The following NAV3 variants were observed in gnomAD, a reference collection of about 807,000 sequenced individuals.
NAV3 encodes neuron navigator 3.
NAV3 carries 87 observed loss-of-function variants against 244.7 expected under a neutral mutation model. The ratio of observed to expected loss-of-function variants is 0.36; its 90% CI spans 0.30 to 0.42. NAV3 has a LOEUF of 0.42. Among genes scored for constraint, NAV3 ranks in the 20% least tolerant of loss-of-function variants. The pLI, the probability that NAV3 is intolerant of heterozygous loss-of-function variation, is 1.00. For synonymous variants in NAV3, 1,126 were observed against 1,042.2 expected (o/e 1.08, Z -1.55); for missense variants, 2,663 against 2,893.3 (o/e 0.92, Z 1.83).
intron 12 of NAV3, among the ~76,000 whole-genome samples, chr12:78,087,487 G>A (rs1953698675): frequency 6.6e-6 from 1 of 151,928 alleles, no homozygotes. Flanking sequence ...GCAATCTACA[G>A]CAAGAAATGA....
At chr12:77,642,695 A>G (rs946615481) in intron 2 of NAV3, among the ~76,000 whole-genome samples, 2 of 152,086 alleles carry the variant, frequency 1.3e-5, no homozygotes, top group Non-Finnish European at 2.9e-5. Context: ...AGGACAAGAC[A>G]TAAAATGGCA....
chr12:78,145,513 A>G (rs1407915468), intron 20 of NAV3, among the ~76,000 whole-genome samples: 1 of 152,190 alleles, frequency 6.6e-6, no homozygotes, highest in African/African-American at 2.4e-5. Flanking sequence ...GCAGACTTGT[A>G]CTATTCAACA....
intron 18 of NAV3, among the ~76,000 whole-genome samples, chr12:78,133,014 C>G (rs948537064): frequency 3.9e-5 from 6 of 152,122 alleles, no homozygotes; most frequent in Non-Finnish European, 7.4e-5. Context: ...ACATCTGTCT[C>G]TCATTTTCAG....
At chr12:77,686,873 G>A (rs1874776157) in intron 2 of NAV3, among the ~76,000 whole-genome samples, 1 of 151,696 alleles carries the variant, frequency 6.6e-6, no homozygotes, top group Admixed American at 6.6e-5. Flanking sequence ...ATTAAAATTT[G>A]TATTGTAATA....
chr12:77,787,412 GT>G (rs1378853233), intron 2 of NAV3, among the ~76,000 whole-genome samples: 1 of 152,174 alleles, frequency 6.6e-6, no homozygotes, highest in Non-Finnish European at 1.5e-5. Flanking sequence ...AAGGAAAGAG[GT>G]TTAATTGACT....
intron 2 of NAV3, among the ~76,000 whole-genome samples, chr12:77,631,811 T>C (rs1161267164): frequency 1.3e-5 from 2 of 151,764 alleles, no homozygotes; most frequent in East Asian, 3.9e-4. Flanking sequence ...CACAGAGAGG[T>C]CAAGCAAGAG....
chr12:77,594,523 C>A (rs1394744018), intron 2 of NAV3, among the ~76,000 whole-genome samples: 2 of 152,156 alleles, frequency 1.3e-5, no homozygotes, highest in Non-Finnish European at 2.9e-5. Context: ...GGAATGTTCC[C>A]CAACTGGACT....
At chr12:77,903,917 G>C (rs1885633012) in intron 1 of NAV3, among the ~76,000 whole-genome samples, 1 of 152,172 alleles carries the variant, frequency 6.6e-6, no homozygotes, top group African/African-American at 2.4e-5. Flanking sequence ...CTGGCCATCA[G>C]AGAAATGCAA....
chr12:77,857,180 C>T (rs1273525036), intron 1 of NAV3, among the ~76,000 whole-genome samples: 1 of 152,000 alleles, frequency 6.6e-6, no homozygotes, highest in Non-Finnish European at 1.5e-5. Flanking sequence ...TGAGGGAGTA[C>T]ACTTGAATAT....
chr12:77,849,008 T>C (rs1178539481), intron 1 of NAV3, among the ~76,000 whole-genome samples: 1 of 152,178 alleles, frequency 6.6e-6, no homozygotes, highest in African/African-American at 2.4e-5. Flanking sequence ...TGCATAATAG[T>C]GATGTTTTCT....
At chr12:77,641,884 C>T (rs1244335419) in intron 2 of NAV3, among the ~76,000 whole-genome samples, 2 of 152,102 alleles carry the variant, frequency 1.3e-5, no homozygotes, top group African/African-American at 4.8e-5. Flanking sequence ...GAAAGCAACA[C>T]CCAACCAAGG....
chr12:78,105,959 T>C (rs975701915), intron 12 of NAV3, among the ~76,000 whole-genome samples: 1 of 151,526 alleles, frequency 6.6e-6, no homozygotes, highest in Non-Finnish European at 1.5e-5. Context: ...TTCTATTGTT[T>C]CTTCTGTTTC....
At chr12:78,071,794 C>T (rs1006367586) in intron 12 of NAV3, among the ~76,000 whole-genome samples, 1 of 151,938 alleles carries the variant, frequency 6.6e-6, no homozygotes, top group Non-Finnish European at 1.5e-5. Context: ...AGATATGCGG[C>T]CCTCAGCAAA....
At chr12:77,865,249 A>G (rs925583250) in intron 1 of NAV3, among the ~76,000 whole-genome samples, 4 of 152,094 alleles carry the variant, frequency 2.6e-5, no homozygotes, top group African/African-American at 9.6e-5. Flanking sequence ...GTATATTATT[A>G]TACTTTTATT....
chr12:78,137,459 G>T, intron 19 of NAV3, 94 bp downstream of exon 19: 2 of 1,282,466 alleles, frequency 1.6e-6, no homozygotes, highest in South Asian at 1.6e-5. Flanking sequence ...TTCCTGAAGA[G>T]GAAAATAAAC....
intron 12 of NAV3, 101 bp from the exon 13 acceptor site, chr12:78,116,671 G>T (rs1955394704): frequency 1.6e-6 from 2 of 1,223,600 alleles, no homozygotes; most frequent in Non-Finnish European, 2.2e-6. Context: ...TTTTTTAAAA[G>T]AATGTCTTAA....
intron 1 of NAV3, among the ~76,000 whole-genome samples, chr12:77,838,578 G>A (rs1010177765): frequency 2.0e-5 from 3 of 151,730 alleles, no homozygotes; most frequent in African/African-American, 4.8e-5. Context: ...TTCTTGTGTC[G>A]TAGACATCTT....
chr12:77,803,118 T>A (rs965338042), intron 2 of NAV3, among the ~76,000 whole-genome samples: 1 of 152,236 alleles, frequency 6.6e-6, no homozygotes, highest in Non-Finnish European at 1.5e-5. Context: ...CTTTATATTC[T>A]GGGATACATG....
chr12:77,705,217 G>A (rs1223991236), intron 2 of NAV3, among the ~76,000 whole-genome samples: 2 of 152,080 alleles, frequency 1.3e-5, no homozygotes, highest in East Asian at 1.9e-4. Context: ...TCAGGAGTTC[G>A]AGACCAGCAT....
Sources: gnomAD v4.1 joint callset for allele counts (sites outside exome capture counted in the v4.1 genomes callset) on GRCh38, gnomAD v4.1.1 for gene constraint, MANE v1.5 for transcripts, NCBI Gene and HGNC (gene_info 2026-07-23, HGNC 2026-07-21) for gene names.